The following MALRD1 variants were observed in gnomAD, a reference collection of about 807,000 sequenced individuals.
The protein encoded by MALRD1 is MAM and LDL-receptor class A domain-containing protein 1.
A neutral mutation model predicts 242.1 loss-of-function variants in MALRD1; 247 were observed. The observed-to-expected ratio is 1.02, with a 90% confidence interval of 0.92 to 1.13. The LOEUF (loss-of-function observed/expected upper bound fraction) is 1.13, where lower values mean the gene tolerates loss of function less well. Among genes scored for constraint, MALRD1 ranks in the 50% most tolerant of loss-of-function variants. The pLI is 0.00. For synonymous variants in MALRD1, 995 were observed against 866.6 expected, an observed-to-expected ratio of 1.15 and a Z score of -2.60; for missense variants, 2,989 against 2,533.1, an observed-to-expected ratio of 1.18 and a Z score of -3.86.
At chr10:19,430,402 A>T (rs1834079749) in intron 28 of MALRD1, among the ~76,000 whole-genome samples, 1 of 151,920 alleles carries the variant, frequency 6.6e-6, no homozygotes, top group African/African-American at 2.4e-5. Flanking sequence ...GGCATGAGCC[A>T]CCATGCCCCG....
At chr10:19,679,180 G>A (rs1037204930) in intron 36 of MALRD1, among the ~76,000 whole-genome samples, 2 of 152,180 alleles carry the variant, frequency 1.3e-5, no homozygotes, top group Non-Finnish European at 2.9e-5. Context: ...CATTAAATGA[G>A]TTAGGGAGGA....
chr10:19,062,983 A>G (rs1327013341), intron 1 of MALRD1, among the ~76,000 whole-genome samples: 1 of 152,036 alleles, frequency 6.6e-6, no homozygotes. Flanking sequence ...CCATCTCTAC[A>G]AAATGCAAAA....
At chr10:19,392,167 T>C (rs911092243) in intron 28 of MALRD1, among the ~76,000 whole-genome samples, 13 of 152,196 alleles carry the variant, frequency 8.5e-5, no homozygotes, top group African/African-American at 2.4e-4. Flanking sequence ...CCATCACTTA[T>C]ATTATTTCAT....
intron 36 of MALRD1, among the ~76,000 whole-genome samples, chr10:19,670,093 A>AC (rs1564529476): frequency 8.7e-6 from 1 of 115,112 alleles, no homozygotes; most frequent in Non-Finnish European, 1.9e-5. Flanking sequence ...CACACACACA[A>AC]ACACACACAC....
intron 22 of MALRD1, among the ~76,000 whole-genome samples, chr10:19,325,447 C>A (rs2130902009): frequency 6.7e-6 from 1 of 149,946 alleles, no homozygotes; most frequent in East Asian, 2.0e-4. Context: ...CCAACATATA[C>A]AGGCCAGAGA....
chr10:19,697,981 T>C (rs1018757663), intron 38 of MALRD1, among the ~76,000 whole-genome samples: 9 of 152,182 alleles, frequency 5.9e-5, no homozygotes, highest in African/African-American at 2.2e-4. Flanking sequence ...ATAGATGTCA[T>C]TCATTTCCAA....
chr10:19,491,541 C>T lies in MALRD1; in HGVS notation c.5054C>T (p.Pro1685Leu), dbSNP rs774385286. Residue 1685 changes from proline (P) to leucine (L), a missense_variant, in exon 30 of 40, where the codon CCG becomes CTG. Pro to Leu is a moderately conservative substitution (Grantham distance 98). Transcript: ENST00000454679. ...TTVGEISELC[P>L]EITDFLCRDK... ...GTGGGAGAGATCTCTGAGCTTTGTC[C>T]GGAAATCACTGATTTTTTGTGCCGG... 5.4e-5 allele frequency: 84 copies of T among 1,549,736 alleles called. No individual in the cohort carries two copies. Among genetic ancestry groups the T allele is most frequent in the South Asian group, 1.8e-4 (15 of 84,038 alleles).
intron 32 of MALRD1, among the ~76,000 whole-genome samples, chr10:19,556,625 A>G (rs1589235957): frequency 6.6e-6 from 1 of 152,118 alleles, no homozygotes. Context: ...ATAAGATTCC[A>G]TACTATGGAT....
At chr10:19,565,497 A>T (rs1836212079) in intron 32 of MALRD1, among the ~76,000 whole-genome samples, 1 of 152,238 alleles carries the variant, frequency 6.6e-6, no homozygotes, top group African/African-American at 2.4e-5. Flanking sequence ...TGGGATGTAA[A>T]CCAAGATTTG....
intron 12 of MALRD1, among the ~76,000 whole-genome samples, chr10:19,163,292 G>A (rs920273211): frequency 6.6e-6 from 1 of 151,900 alleles, no homozygotes; most frequent in Non-Finnish European, 1.5e-5. Flanking sequence ...AGAAAGAGTG[G>A]TACATATGTA....
chr10:19,374,767 C>T (rs1588983971), intron 26 of MALRD1, among the ~76,000 whole-genome samples: 1 of 152,146 alleles, frequency 6.6e-6, no homozygotes, highest in Admixed American at 6.5e-5. Flanking sequence ...AACTGGCCAA[C>T]AGGTGCATGC....
chr10:19,597,135 G>A (rs1262409954), intron 34 of MALRD1, among the ~76,000 whole-genome samples: 2 of 152,144 alleles, frequency 1.3e-5, no homozygotes, highest in African/African-American at 4.8e-5. Flanking sequence ...CTGAGATAAA[G>A]CCAACCTGTC....
intron 18 of MALRD1, among the ~76,000 whole-genome samples, chr10:19,221,278 C>A (rs1837544957): frequency 6.6e-6 from 1 of 151,988 alleles, no homozygotes; most frequent in African/African-American, 2.4e-5. Context: ...TTAAGTTGAT[C>A]CCACTTCCCC....
intron 1 of MALRD1, among the ~76,000 whole-genome samples, chr10:19,049,575 A>G (rs1274528662): frequency 1.3e-5 from 2 of 152,186 alleles, no homozygotes; most frequent in East Asian, 1.9e-4. Flanking sequence ...GAACACTGCT[A>G]TCAAGTGGGT....
At chr10:19,653,755 G>A (rs868177132) in intron 36 of MALRD1, among the ~76,000 whole-genome samples, 1 of 152,044 alleles carries the variant, frequency 6.6e-6, no homozygotes, top group Non-Finnish European at 1.5e-5. Flanking sequence ...AATAGTCTAC[G>A]TAAATTTCAG....
At chr10:19,575,652 A>G (rs1836782110) in intron 33 of MALRD1, among the ~76,000 whole-genome samples, 1 of 152,172 alleles carries the variant, frequency 6.6e-6, no homozygotes, top group Admixed American at 6.5e-5. Context: ...TAATAAGAAA[A>G]TGCCATTAAT....
At chr10:19,058,700 G>A (rs1319772255) in intron 1 of MALRD1, among the ~76,000 whole-genome samples, 2 of 151,924 alleles carry the variant, frequency 1.3e-5, no homozygotes, top group Non-Finnish European at 2.9e-5. Flanking sequence ...TCATACAAAG[G>A]TAGGTAAAAT....
At chr10:19,189,303 T>C (rs188435269) in intron 14 of MALRD1, among the ~76,000 whole-genome samples, 92 of 152,096 alleles carry the variant, frequency 6.0e-4, no homozygotes, top group East Asian at 1.9e-4. Flanking sequence ...GCAAAGAGAT[T>C]TGATGAATAA....
At chr10:19,714,280 G>T (rs908598379) in intron 38 of MALRD1, among the ~76,000 whole-genome samples, 1 of 152,128 alleles carries the variant, frequency 6.6e-6, no homozygotes, top group Non-Finnish European at 1.5e-5. Context: ...GGAATGGATT[G>T]GGAAAGTGGT....
Sources: allele counts gnomAD v4.1 joint callset (sites outside exome capture counted in the v4.1 genomes callset), GRCh38; gene constraint gnomAD v4.1.1; transcripts MANE v1.5; gene names NCBI Gene and HGNC (gene_info 2026-07-23, HGNC 2026-07-21).